The following RFX7 variants were observed in gnomAD, a reference collection of about 807,000 sequenced individuals.
The protein encoded by RFX7 is DNA-binding protein RFX7.
Under a neutral mutation model 111.8 loss-of-function variants are expected in RFX7, and 26 were observed. That is an observed-to-expected ratio of 0.23 (90% CI 0.17 to 0.32). RFX7 has a LOEUF of 0.32. RFX7 is among the 10% of genes least tolerant of loss of function. The pLI, the probability that RFX7 is intolerant of heterozygous loss-of-function variation, is 1.00. For synonymous variants in RFX7, 624 were observed against 624.4 expected (o/e 1.00, Z 0.01); for missense variants, 1,573 against 1,772.9 (o/e 0.89, Z 2.02).
intron 3 of RFX7, among the ~76,000 whole-genome samples, chr15:56,177,799 A>G (rs1167124227): frequency 1.3e-5 from 2 of 152,102 alleles, no homozygotes; most frequent in Non-Finnish European, 2.9e-5. Context: ...GATAAACATG[A>G]AATAATTACA....
chr15:56,215,496 G>C (rs1182590217), intron 2 of RFX7, among the ~76,000 whole-genome samples: 1 of 152,192 alleles, frequency 6.6e-6, no homozygotes, highest in East Asian at 1.9e-4. Flanking sequence ...TAAATTATAT[G>C]AACAGATTTT....
intron 5 of RFX7, among the ~76,000 whole-genome samples, chr15:56,135,753 A>C (rs1340768735): frequency 6.6e-6 from 1 of 151,808 alleles, no homozygotes; most frequent in Non-Finnish European, 1.5e-5. Context: ...TTTTAGGTCT[A>C]ACATTTAAGT....
At chr15:56,207,592 A>G (rs1447381927) in intron 2 of RFX7, among the ~76,000 whole-genome samples, 2 of 152,242 alleles carry the variant, frequency 1.3e-5, no homozygotes, top group Admixed American at 6.5e-5. Context: ...AAACTCTTTC[A>G]GATCTAGGGC....
In RFX7 at chr15:56,204,347, C is replaced by T. The variant is rs903934873; in HGVS notation, c.162-25044G>A. On this transcript the variant is annotated intron_variant, in intron 2 of 9. Coordinates refer to ENST00000559447, the MANE Select transcript of RFX7 (RefSeq NM_022841.7). ...TCACGAACCTTAATATGCTAACATA[C>T]GTTGTATCTATTTGAGAGTGGGTTG... 1.3e-4 allele frequency among the ~76,000 whole-genome samples: 19 copies of T among 151,964 alleles called. No individual in the cohort carries two copies. In the South Asian group the frequency reaches 1.9e-3, roughly 15 times the overall value.
At chr15:56,221,709 T>A (rs867959055) in intron 2 of RFX7, among the ~76,000 whole-genome samples, 1 of 152,122 alleles carries the variant, frequency 6.6e-6, no homozygotes, top group Admixed American at 6.5e-5. Context: ...ACTTTGACAA[T>A]TGCTCTAGGG....
intron 2 of RFX7, among the ~76,000 whole-genome samples, chr15:56,219,539 T>C (rs1220385431): frequency 6.6e-6 from 1 of 152,156 alleles, no homozygotes; most frequent in Non-Finnish European, 1.5e-5. Context: ...AAGTAGGACC[T>C]AGTGTCTGTT....
At chr15:56,224,429 G>A (rs1387607209) in intron 2 of RFX7, among the ~76,000 whole-genome samples, 1 of 150,252 alleles carries the variant, frequency 6.7e-6, no homozygotes, top group South Asian at 2.1e-4. Flanking sequence ...ATTTTTTGGT[G>A]TATTTTTCTT....
intron 3 of RFX7, among the ~76,000 whole-genome samples, chr15:56,150,296 C>T (rs528383234): frequency 7.9e-5 from 12 of 152,298 alleles, no homozygotes; most frequent in Admixed American, 2.6e-4. Flanking sequence ...CCCAGTGCAG[C>T]GTTCCAGCTC....
chr15:56,217,093 T>C (rs925504111), intron 2 of RFX7, among the ~76,000 whole-genome samples: 2 of 151,338 alleles, frequency 1.3e-5, no homozygotes, highest in Non-Finnish European at 2.9e-5. Context: ...TTCACCTATA[T>C]TGACCATTGT....
At chr15:56,233,759 G>A (rs2043593485) in intron 2 of RFX7, among the ~76,000 whole-genome samples, 1 of 152,182 alleles carries the variant, frequency 6.6e-6, no homozygotes, top group Admixed American at 6.5e-5. Flanking sequence ...AGTTTAAGGT[G>A]ACATTGGTTG....
At chr15:56,160,581 G>A (rs1384696330) in intron 3 of RFX7, 1 of 152,018 alleles carries the variant, frequency 6.6e-6, no homozygotes, top group Admixed American at 6.6e-5. Context: ...TGATTCAGGA[G>A]CAGTTTCTAA....
rs537131864 is a variant in RFX7, at chr15:56,140,591, C to T, written c.401+2187G>A. ...TCACCGTCTTCTGCGTCACTCAGGC[C>T]GGAGCTGTTCCTATTCGGCCATCTT... On this transcript the variant is annotated intron_variant, in intron 5 of 9. Coordinates refer to ENST00000559447, the MANE Select transcript of RFX7 (RefSeq NM_022841.7). Among the ~76,000 whole-genome samples, 72 of 152,232 alleles carry T rather than the reference C, an allele frequency of 4.7e-4. 1 individual carries two copies. The highest frequency in any genetic ancestry group is 3.4e-3 in the Middle Eastern group (1 of 294).
chr15:56,136,105 T>A (rs1428219964), intron 5 of RFX7, among the ~76,000 whole-genome samples: 1 of 152,180 alleles, frequency 6.6e-6, no homozygotes, highest in Non-Finnish European at 1.5e-5. Flanking sequence ...GCGGGCTCTT[T>A]TTTGGTTCCG....
intron 5 of RFX7, among the ~76,000 whole-genome samples, chr15:56,125,200 C>T (rs993674794): frequency 6.6e-6 from 1 of 152,114 alleles, no homozygotes; most frequent in Non-Finnish European, 1.5e-5. Context: ...CTACCCTGTT[C>T]CATGGTCTAT....
chr15:56,098,414 CTCCTTTATAGAAGGGAGGT>C (rs1290392070), intron 8 of RFX7, 38 bp from the exon 9 acceptor site: 1 of 1,534,156 alleles, frequency 6.5e-7, no homozygotes, highest in Non-Finnish European at 8.8e-7. Flanking sequence ...AATAAATACT[CTCCTTTATAGAAGGGAGGT>C]TCCTTTGAAT....
chr15:56,143,291 TAATA>T (rs1201040249), intron 4 of RFX7, among the ~76,000 whole-genome samples: 1 of 151,860 alleles, frequency 6.6e-6, no homozygotes, highest in Non-Finnish European at 1.5e-5. Context: ...CATTCTCATA[TAATA>T]TATATATATA....
rs779918674 is a variant in RFX7 at position 56,093,561 on chromosome 15, C to T, written c.4167G>A (p.Glu1389=). Residue 1389 remains glutamate, a synonymous_variant, in exon 10 of 10, where the codon GAG becomes GAA. Transcript: ENST00000559447. The part of the protein sequence containing the change: ...DFSSDIRLSS[E]LSGSINDLNT... Reference sequence around the variant, plus strand: ...TCAAATCATTGATGCTGCCTGAGAGCTCAGAAGACAACCTGATATCGCTAG... The same window carrying T: ...TCAAATCATTGATGCTGCCTGAGAGTTCAGAAGACAACCTGATATCGCTAG... 2 of 1,613,740 alleles carry T rather than the reference C, an allele frequency of 1.2e-6. No homozygotes were observed. Among genetic ancestry groups the T allele is most frequent in the South Asian group, 1.1e-5 (1 of 91,062 alleles).
rs147228721 is a variant in RFX7, at chr15:56,117,699, T to C, written c.402-14029A>G. 7.0e-4 allele frequency among the ~76,000 whole-genome samples: 106 copies of C among 152,286 alleles called. 2 individuals are homozygous for C. The East Asian group carries it at 0.018, about 26-fold the overall frequency. ...TTCTGTGAAACGAACTTTTATCAAC[T>C]TCCACATATGAGTGAGAGCATGCAG... is the stretch of plus-strand genomic sequence containing the variant. On this transcript the variant is annotated intron_variant, in intron 5 of 9. Transcript: ENST00000559447.
At chr15:56,244,545 G>C (rs753411591), upstream of RFX7, among the ~76,000 whole-genome samples, 66 of 151,888 alleles carry the variant, frequency 4.3e-4, no homozygotes, top group Non-Finnish European at 7.5e-4. Context: ...TTCTTCCTTC[G>C]TGCCTTTGCT....
Sources: gnomAD v4.1 joint callset for allele counts (sites outside exome capture counted in the v4.1 genomes callset) on GRCh38, gnomAD v4.1.1 for gene constraint, MANE v1.5 for transcripts, NCBI Gene and HGNC (gene_info 2026-07-23, HGNC 2026-07-21) for gene names.